MMD2: variants seen among roughly 807,000 people sequenced by gnomAD.
The protein encoded by MMD2 is monocyte to macrophage differentiation factor 2.
MMD2 carries 30 observed loss-of-function variants against 33.5 expected under a neutral mutation model. That is an observed-to-expected ratio of 0.90 (90% CI 0.67 to 1.22). The LOEUF is 1.22. MMD2 is among the 50% of genes most tolerant of loss of function. The pLI is 0.00. For missense variants in MMD2, 364 were observed against 325.4 expected (o/e 1.12, Z -0.91); for synonymous variants, 129 against 123.0 (o/e 1.05, Z -0.32).
At chr7:4,909,689 G>A (rs577035404) in intron 6 of MMD2, 192 bp downstream of exon 6, 11 of 782,904 alleles carry the variant, frequency 1.4e-5, no homozygotes, top group South Asian at 1.3e-4. Flanking sequence ...TCCCACCTCA[G>A]CCTCCCAAAG....
intron 1 of MMD2, among the ~76,000 whole-genome samples, chr7:4,941,138 G>T (rs1785897296): frequency 6.6e-6 from 1 of 152,110 alleles, no homozygotes; most frequent in South Asian, 2.1e-4. Context: ...TAGCTCCTGG[G>T]TCGGCCTCTG....
intron 1 of MMD2, among the ~76,000 whole-genome samples, chr7:4,941,975 A>C (rs998248294): frequency 6.6e-6 from 1 of 151,914 alleles, no homozygotes; most frequent in African/African-American, 2.4e-5. Context: ...TATTTTTGAG[A>C]TGAAGTCTCG....
chr7:4,907,380 T>C lies in MMD2; in HGVS notation c.*16A>G. 1.3e-5 allele frequency: 21 copies of C among 1,613,158 alleles called. No individual in the cohort carries two copies. The highest frequency in any genetic ancestry group is 1.8e-5 in the Non-Finnish European group (21 of 1,179,726). Reference sequence around the variant, plus strand: ...CCACTCCTAAAGCCCAAACGACCTCTCAAGTCTGGGTCACCTCATTTGGAC... The same window carrying C: ...CCACTCCTAAAGCCCAAACGACCTCCCAAGTCTGGGTCACCTCATTTGGAC... On this transcript the variant is annotated 3_prime_UTR_variant, in exon 7 of 7. Coordinates refer to ENST00000401401, the MANE Select transcript of MMD2 (RefSeq NM_198403.4).
intron 1 of MMD2, among the ~76,000 whole-genome samples, chr7:4,930,768 T>C (rs1388040459): frequency 6.6e-6 from 1 of 152,204 alleles, no homozygotes; most frequent in East Asian, 1.9e-4. Context: ...TCTGCTTTTG[T>C]AAGCCGCTGC....
At chr7:4,917,429 A>G (rs1022605059) in intron 3 of MMD2, among the ~76,000 whole-genome samples, 2 of 152,186 alleles carry the variant, frequency 1.3e-5, no homozygotes, top group African/African-American at 4.8e-5. Flanking sequence ...TGGGAGGCCA[A>G]GGTGGGTGGA....
At chr7:4,945,209 C>CTTCTTT (rs1227954152) in intron 1 of MMD2, among the ~76,000 whole-genome samples, 2 of 140,286 alleles carry the variant, frequency 1.4e-5, no homozygotes, top group Non-Finnish European at 3.0e-5. Flanking sequence ...TCTTCTTCTT[C>CTTCTTT]TTCTTCTTCT....
At chr7:4,903,749 A>G (rs897042311), downstream of MMD2, among the ~76,000 whole-genome samples, 1 of 152,218 alleles carries the variant, frequency 6.6e-6, no homozygotes, top group African/African-American at 2.4e-5. Flanking sequence ...CTGCCCTGGC[A>G]GTGCCCACTG....
Position 4,906,668 on chromosome 7 carries a change from G to A in MMD2, c.*728C>T. ...AGTTTCCCTCTACCGCCCCCAAACT[G>A]CCTACTCCAGGAGTTTCCCAAAAGG... On this transcript the variant is annotated 3_prime_UTR_variant, in exon 7 of 7. Coordinates refer to ENST00000401401, the MANE Select transcript of MMD2 (RefSeq NM_198403.4). 1 of 397,326 alleles carries A rather than the reference G, an allele frequency of 2.5e-6. No homozygotes were observed. The highest frequency in any genetic ancestry group is 4.4e-6 in the Non-Finnish European group (1 of 225,532). The allele number at this position is 397,326 out of a possible 1,614,324, so 24.6% of individuals were successfully genotyped here.
downstream of MMD2, chr7:4,905,922 G>A (rs1025481014): frequency 5.9e-5 from 9 of 152,776 alleles, no homozygotes; most frequent in South Asian, 4.1e-4. This position sits in a 1 kb window ranked among gnomAD's most constrained non-coding sequence, Gnocchi z 5.0. Flanking sequence ...ACATATACAC[G>A]CACACACACA....
chr7:4,903,981 G>A (rs1784827634), downstream of MMD2, among the ~76,000 whole-genome samples: 1 of 152,152 alleles, frequency 6.6e-6, no homozygotes. Flanking sequence ...TGCCCAGGCT[G>A]GAGTGCAGTG....
Position 4,946,143 on chromosome 7 carries a change from ACACC to A in MMD2, c.47+12824_47+12827del, listed in dbSNP as rs1455148262. ...CACGCACACACCTGCACACGCACGC[ACACC>A]CACACCCGCGCGCACACCTGCACAC... On this transcript the variant is annotated intron_variant, in intron 1 of 6. Transcript: ENST00000401401. The surrounding 1 kb of genome is among the most constrained non-coding windows in gnomAD (Gnocchi z 5.0). Among the ~76,000 whole-genome samples the A allele has an allele frequency of 6.6e-6, 1 of 150,660 alleles. No individual in the cohort carries two copies. The highest frequency in any genetic ancestry group is 1.5e-5 in the Non-Finnish European group (1 of 67,738).
chr7:4,908,727 T>A (rs1784928799), intron 6 of MMD2, among the ~76,000 whole-genome samples: 1 of 151,484 alleles, frequency 6.6e-6, no homozygotes, highest in South Asian at 2.1e-4. Flanking sequence ...TGAAACCCCA[T>A]CTCTACTAAA....
Position 4,907,205 on chromosome 7 carries a change from G to T in MMD2, c.*191C>A. 1.7e-6 allele frequency: 1 copy of T among 600,242 alleles called. No individual in the cohort carries two copies. The highest frequency in any genetic ancestry group is 3.0e-6 in the Non-Finnish European group (1 of 335,018). The allele number at this position is 600,242 out of a possible 1,614,324, so 37.2% of individuals were successfully genotyped here. On this transcript the variant is annotated 3_prime_UTR_variant, in exon 7 of 7. Coordinates refer to ENST00000401401, the MANE Select transcript of MMD2 (RefSeq NM_198403.4). ...TACAGGGTTAATTTCTCCTCTGTAA[G>T]AATGGCTAAATGCTTTCTTTCTCGC... is the stretch of plus-strand genomic sequence containing the variant.
chr7:4,931,346 T>G (rs969785677), intron 1 of MMD2, among the ~76,000 whole-genome samples: 1 of 151,250 alleles, frequency 6.6e-6, no homozygotes, highest in Non-Finnish European at 1.5e-5. Flanking sequence ...AGAAGTGAGG[T>G]CTCACTATGT....
chr7:4,910,087 C>T (rs750938086), intron 5 of MMD2, 137 bp from the exon 6 acceptor site: 161 of 1,579,002 alleles, frequency 1.0e-4, no homozygotes, highest in Middle Eastern at 6.9e-4. Context: ...CTGTCCAGCA[C>T]GCCTTGGCTC....
chr7:4,950,387 T>C (rs979275107), intron 1 of MMD2, among the ~76,000 whole-genome samples: 9 of 151,832 alleles, frequency 5.9e-5, no homozygotes, highest in Non-Finnish European at 7.4e-5. Flanking sequence ...CGTGAGCCAC[T>C]GCACCCAGCC....
downstream of MMD2, among the ~76,000 whole-genome samples, chr7:4,901,527 T>C (rs1784794073): frequency 6.6e-6 from 1 of 152,220 alleles, no homozygotes; most frequent in African/African-American, 2.4e-5. Context: ...ATAATCTCCA[T>C]TTTATAAATC....
At chr7:4,947,809 C>T (rs1199057765) in intron 1 of MMD2, among the ~76,000 whole-genome samples, 1 of 147,704 alleles carries the variant, frequency 6.8e-6, no homozygotes, top group Non-Finnish European at 1.5e-5. Context: ...AAGCGATTTT[C>T]CTGCCTCAGC....
Position 4,945,454 on chromosome 7 carries a change from G to C in MMD2, c.47+13517C>G, listed in dbSNP as rs1416981813. 2.0e-5 allele frequency among the ~76,000 whole-genome samples: 3 copies of C among 151,072 alleles called. No individual in the cohort carries two copies. The East Asian group carries it at 5.9e-4, about 30-fold the overall frequency. On this transcript the variant is annotated intron_variant, in intron 1 of 6. Coordinates refer to ENST00000401401, the MANE Select transcript of MMD2 (RefSeq NM_198403.4). The stretch of plus-strand genomic sequence containing the variant: ...CAGCTAATTTGTATATTTTAGTAGC[G>C]ACGGGGTTTCACCATGTTGGCCAGG...
Sources: allele counts gnomAD v4.1 joint callset (sites outside exome capture counted in the v4.1 genomes callset), GRCh38; gene constraint gnomAD v4.1.1; non-coding constraint Gnocchi (gnomAD v3.1); transcripts MANE v1.5; gene names NCBI Gene and HGNC (gene_info 2026-07-23, HGNC 2026-07-21).